The following AKNA variants were observed in gnomAD, a reference collection of about 807,000 sequenced individuals.
AKNA encodes microtubule organization protein AKNA.
In AKNA, 67 loss-of-function variants were observed where a neutral mutation model predicts 138.8. The observed-to-expected ratio is 0.48, with a 90% CI of 0.40 to 0.59. The LOEUF is 0.59. Ranked by LOEUF, AKNA falls within the 20% of genes least tolerant of loss-of-function variation. The pLI is 0.00. For missense variants in AKNA, 1,813 were observed against 1,880.4 expected (o/e 0.96, Z 0.66); for synonymous variants, 737 against 754.4 (o/e 0.98, Z 0.38).
intron 1 of AKNA, among the ~76,000 whole-genome samples, chr9:114,384,317 T>G (rs1042558385): frequency 6.6e-6 from 1 of 152,158 alleles, no homozygotes; most frequent in Non-Finnish European, 1.5e-5. Context: ...ACACCTGCAA[T>G]CCCAGCACTT....
chr9:114,340,150 C>T (rs1183876156), intron 21 of AKNA, among the ~76,000 whole-genome samples: 1 of 152,150 alleles, frequency 6.6e-6, no homozygotes, highest in Non-Finnish European at 1.5e-5. Flanking sequence ...TAGGCCTGGT[C>T]CCCGAATAGA....
In AKNA at chr9:114,372,952, GT is replaced by G. The variant is rs1425497256; in HGVS notation, c.1416+1140del. 4.0e-5 allele frequency among the ~76,000 whole-genome samples: 6 copies of G among 148,578 alleles called. No individual in the cohort carries two copies. In the South Asian group the frequency reaches 1.1e-3, roughly 27 times the overall value. The stretch of plus-strand genomic sequence containing the variant: ...GTCCTGCCTGTGCCAGGCAGCAGGT[GT>G]GGGGACGCAGCGGGGGGGGGGGGGG... On this transcript the variant is annotated intron_variant, in intron 4 of 21. Transcript: ENST00000374088.
chr9:114,368,714 C>T (rs1192042253), intron 4 of AKNA, 119 bp from the exon 5 acceptor site: 1 of 905,030 alleles, frequency 1.1e-6, no homozygotes. Flanking sequence ...TACCATCTTT[C>T]AGTGCAGCCC....
downstream of AKNA, among the ~76,000 whole-genome samples, chr9:114,331,026 TGAGA>T (rs911947750): frequency 3.9e-5 from 6 of 151,972 alleles, no homozygotes; most frequent in African/African-American, 2.4e-5. Flanking sequence ...AAGAAGACAC[TGAGA>T]GAATTAGATG....
At chr9:114,389,106 G>A (rs1056726875), upstream of AKNA, among the ~76,000 whole-genome samples, 1 of 152,218 alleles carries the variant, frequency 6.6e-6, no homozygotes, top group Non-Finnish European at 1.5e-5. Context: ...GGGGTCAAAA[G>A]CAAGCCACAA....
intron 4 of AKNA, among the ~76,000 whole-genome samples, chr9:114,372,539 A>C (rs1282173503): frequency 6.6e-6 from 1 of 152,126 alleles, no homozygotes; most frequent in Non-Finnish European, 1.5e-5. Flanking sequence ...TCATGCCCTT[A>C]AACGAGTGCA....
In AKNA at chr9:114,343,739, G is replaced by A; in HGVS notation, c.3726C>T (p.Pro1242=). The change falls in exon 19 of 22, where the codon CCC becomes CCT. Residue 1242 remains proline (P), a synonymous_variant. Coordinates refer to ENST00000374088, the MANE Select transcript of AKNA (RefSeq NM_001317950.2). ...CCTGGGTCCTAATGGGCCGGCAGTG[G>A]GGACAGGAGACTGTGCCATTGCCTT... The part of the protein sequence containing the change: ...VPKGNGTVSC[P]HCRPIRTQDA... 1.9e-6 allele frequency: 3 copies of A among 1,614,218 alleles called. No homozygotes were observed. In the African/African-American group the frequency reaches 4.0e-5, roughly 22 times the overall value.
Position 114,336,801 on chromosome 9 carries a change from G to A in AKNA, c.*253C>T, listed in dbSNP as rs532011692. 29 of 421,138 alleles carry A rather than the reference G, an allele frequency of 6.9e-5. No individual in the cohort carries two copies. In the South Asian group the frequency reaches 7.0e-4, roughly 10 times the overall value. The allele number at this position is 421,138 out of a possible 1,614,324, so 26.1% of individuals were successfully genotyped here. On this transcript the variant is annotated 3_prime_UTR_variant, in exon 22 of 22. Transcript: ENST00000374088. ...GACTGCCTGAGGTTCTGCCTGGACC[G>A]AAGGAGGCCTCGCTCACAGCACCTC...
At chr9:114,353,527 G>A (rs1179635140) in intron 14 of AKNA, among the ~76,000 whole-genome samples, 1 of 152,196 alleles carries the variant, frequency 6.6e-6, no homozygotes, top group Admixed American at 6.5e-5. Context: ...GCCTCCCAAA[G>A]TGTTAGGATT....
rs75846707 is a variant in AKNA at position 114,383,731 on chromosome 9, G to A, written c.-113-2285C>T. Among the ~76,000 whole-genome samples, 44 of 152,280 alleles carry A rather than the reference G, an allele frequency of 2.9e-4. No individual in the cohort carries two copies. In the East Asian group the frequency reaches 5.4e-3, roughly 19 times the overall value. ...TGGATCCTGCTTGATTTGTGTGGCT[G>A]AGAAAAGTCAGCAGGCAACTATTTT... On this transcript the variant is annotated intron_variant, in intron 1 of 21. Coordinates refer to ENST00000374088, the MANE Select transcript of AKNA (RefSeq NM_001317950.2).
At chr9:114,345,832 G>A (rs1336694801) in intron 18 of AKNA, 31 bp downstream of exon 18, 4 of 1,609,790 alleles carry the variant, frequency 2.5e-6, no homozygotes, top group Non-Finnish European at 3.4e-6. Flanking sequence ...ACCAGGAGCT[G>A]CACCCATCCC....
At chr9:114,332,851 G>A (rs374322229), downstream of AKNA, among the ~76,000 whole-genome samples, 31 of 152,242 alleles carry the variant, frequency 2.0e-4, no homozygotes, top group South Asian at 4.6e-3. Flanking sequence ...GGTTCTTAAG[G>A]GTCTGAGCTC....
At chr9:114,393,719 A>G (rs564607277) in intron 1 of AKNA, among the ~76,000 whole-genome samples, 12 of 152,232 alleles carry the variant, frequency 7.9e-5, no homozygotes, top group African/African-American at 2.9e-4. Context: ...TGTTATGTTA[A>G]GTGGACAAGC....
At chr9:114,374,903 TG>T (rs1833055351) in intron 3 of AKNA, among the ~76,000 whole-genome samples, 1 of 152,224 alleles carries the variant, frequency 6.6e-6, no homozygotes, top group African/African-American at 2.4e-5. Flanking sequence ...AAGTAGTTGA[TG>T]AGGGACACTT....
rs1016718348 is a variant in AKNA, at chr9:114,361,630, C to T, written c.2124+74G>A. ...GCACACACTTCATAAATATGTAATA[C>T]GTATTGAAGAAATGAATTAACGAAG... On this transcript the variant is annotated intron_variant, in intron 9 of 21. Transcript: ENST00000374088. The T allele has an allele frequency of 2.3e-5, 35 of 1,494,152 alleles. No individual in the cohort carries two copies. The Admixed American group carries it at 3.2e-4, about 14-fold the overall frequency. The allele number at this position is 1,494,152 out of a possible 1,614,324, so 92.6% of individuals were successfully genotyped here.
chr9:114,380,526 A>G (rs924239340), intron 2 of AKNA, among the ~76,000 whole-genome samples: 2 of 152,266 alleles, frequency 1.3e-5, no homozygotes, highest in East Asian at 1.9e-4. Flanking sequence ...GAGTGGGACA[A>G]TGAGTAATTT....
At chr9:114,373,723 T>C (rs1289475582) in intron 4 of AKNA, among the ~76,000 whole-genome samples, 1 of 137,028 alleles carries the variant, frequency 7.3e-6, no homozygotes, top group East Asian at 2.1e-4. Context: ...TACAAAACAT[T>C]GAAAAAAAAA....
chr9:114,378,964 C>A (rs1290855857), intron 2 of AKNA, among the ~76,000 whole-genome samples: 1 of 152,218 alleles, frequency 6.6e-6, no homozygotes, highest in Admixed American at 6.5e-5. Flanking sequence ...TTTCCCCTAC[C>A]CTTGATGCCT....
chr9:114,358,039 G>T lies in AKNA; in HGVS notation c.2621C>A (p.Pro874His). Residue 874 changes from proline (P) to histidine (H), a missense_variant, in exon 12 of 22, where the codon CCT (proline) becomes CAT (histidine). Physicochemically the swap from Pro to His is moderately conservative, Grantham distance 77. Coordinates refer to ENST00000374088, the MANE Select transcript of AKNA (RefSeq NM_001317950.2). ...APPGPGVPPH[P>H]PGTKSAASHQ... is the part of the protein sequence containing the mutation. ...GGATGCTGCGGACTTGGTGCCTGGA[G>T]GGTGGGGTGGCACGCCAGGGCCTGG... The T allele has an allele frequency of 6.2e-7, 1 of 1,611,148 alleles. No homozygotes were observed. The highest frequency in any genetic ancestry group is 8.5e-7 in the Non-Finnish European group (1 of 1,177,956).
Sources: allele counts gnomAD v4.1 joint callset (sites outside exome capture counted in the v4.1 genomes callset), GRCh38; gene constraint gnomAD v4.1.1; transcripts MANE v1.5; gene names NCBI Gene and HGNC (gene_info 2026-07-23, HGNC 2026-07-21).